BAZ2B: variants seen among roughly 807,000 people sequenced by gnomAD.
The protein encoded by BAZ2B is bromodomain adjacent to zinc finger domain protein 2B.
Under a neutral mutation model 246.0 loss-of-function variants are expected in BAZ2B, and 91 were observed. The observed-to-expected ratio is 0.37, with a 90% CI of 0.31 to 0.44. BAZ2B has a LOEUF of 0.44. BAZ2B is among the 20% of genes least tolerant of loss of function. BAZ2B has a pLI of 1.00. For synonymous variants in BAZ2B, 855 were observed against 860.0 expected (o/e 0.99, Z 0.10); for missense variants, 2,332 against 2,533.7 (o/e 0.92, Z 1.71).
intron 6 of BAZ2B, chr2:159,444,079 G>A (rs1414562038): frequency 6.6e-6 from 1 of 152,126 alleles, no homozygotes; most frequent in African/African-American, 2.4e-5. Context: ...AAAATAATAT[G>A]GGAATCAGAA....
chr2:159,663,978 A>G, the BAZ2B span, among the ~76,000 whole-genome samples: 1 of 84,750 alleles, frequency 1.2e-5, no homozygotes, highest in Admixed American at 1.4e-4. Flanking sequence ...TGCACCCACT[A>G]ACGTGTCATC....
At chr2:159,551,240 T>C (rs529703772) in intron 2 of BAZ2B, among the ~76,000 whole-genome samples, 231 of 152,046 alleles carry the variant, frequency 1.5e-3, no homozygotes, top group Admixed American at 2.3e-3. Context: ...GAGGCCGAGG[T>C]GGGCGGATCA....
chr2:159,568,296 T>C (rs1360801445), intron 1 of BAZ2B, among the ~76,000 whole-genome samples: 1 of 152,102 alleles, frequency 6.6e-6, no homozygotes, highest in Admixed American at 6.6e-5. Context: ...AATTGTCAAA[T>C]AATCAGAAAA....
At chr2:159,543,855 ACT>A (rs2086964818) in intron 2 of BAZ2B, among the ~76,000 whole-genome samples, 1 of 152,082 alleles carries the variant, frequency 6.6e-6, no homozygotes, top group Non-Finnish European at 1.5e-5. Context: ...CATATCAAAC[ACT>A]CAGTCGATGT....
At chr2:159,402,534 T>C (rs1413997868) in intron 16 of BAZ2B, among the ~76,000 whole-genome samples, 6 of 152,186 alleles carry the variant, frequency 3.9e-5, no homozygotes, top group Non-Finnish European at 8.8e-5. Context: ...TTCCAAATCT[T>C]AGAAAAGATT....
At position 159,349,742 on chromosome 2, in the gene BAZ2B, A is replaced by G; in HGVS notation, c.4829T>C (p.Val1610Ala). The change falls in exon 28 of 37, where the codon GTT becomes GCT. Residue 1610 changes from valine (V) to alanine (A), a missense_variant. Val to Ala is a moderately conservative substitution (Grantham distance 64). Coordinates refer to ENST00000392783, the MANE Select transcript of BAZ2B (RefSeq NM_013450.4). ...APLGSSAQNP[V>A]GLNPFALSPL... ...TGATAAAGCAAATGGATTTAAGCCAACAGGATTCTGAGCAGAAGATCCAAG... is the reference window on the plus strand; with the variant it reads ...TGATAAAGCAAATGGATTTAAGCCAGCAGGATTCTGAGCAGAAGATCCAAG... The G allele has an allele frequency of 6.2e-7, 1 of 1,614,040 alleles. No individual in the cohort carries two copies. The highest frequency in any genetic ancestry group is 1.7e-5 in the Admixed American group (1 of 59,994).
intron 1 of BAZ2B, among the ~76,000 whole-genome samples, chr2:159,595,095 T>C (rs571295208): frequency 6.7e-6 from 1 of 148,374 alleles, no homozygotes; most frequent in African/African-American, 2.5e-5. Context: ...CTATGCATCC[T>C]TTTAAACATA....
At chr2:159,706,084 A>AACACACACACACACACAC in the BAZ2B span, among the ~76,000 whole-genome samples, 771 of 149,736 alleles carry the variant, frequency 5.1e-3, 3 homozygotes, top group Middle Eastern at 0.048. Context: ...AAACATATAT[A>AACACACACACACACACAC]ACACACACAC....
chr2:159,503,410 C>T (rs1395256333), intron 2 of BAZ2B, among the ~76,000 whole-genome samples: 1 of 152,154 alleles, frequency 6.6e-6, no homozygotes, highest in African/African-American at 2.4e-5. Context: ...CTGCCTTACT[C>T]CTACATATAC....
chr2:159,507,537 AG>A (rs931357247), intron 2 of BAZ2B, among the ~76,000 whole-genome samples: 2 of 152,200 alleles, frequency 1.3e-5, no homozygotes, highest in Non-Finnish European at 2.9e-5. Flanking sequence ...TAAGGTATTA[AG>A]GGTTTTTGAA....
At chr2:159,517,356 TA>T (rs2151228091) in intron 2 of BAZ2B, among the ~76,000 whole-genome samples, 1 of 152,136 alleles carries the variant, frequency 6.6e-6, no homozygotes, top group South Asian at 2.1e-4. Flanking sequence ...ATTTTTAGTG[TA>T]GTTTGATGAG....
the BAZ2B span, among the ~76,000 whole-genome samples, chr2:159,649,624 T>C: frequency 6.6e-6 from 1 of 152,128 alleles, no homozygotes; most frequent in Admixed American, 6.5e-5. Context: ...TTCCTCAAGC[T>C]GCTTTCAAGA....
At chr2:159,580,594 G>C (rs1162337992) in intron 1 of BAZ2B, among the ~76,000 whole-genome samples, 5 of 152,158 alleles carry the variant, frequency 3.3e-5, no homozygotes, top group South Asian at 2.1e-4. Context: ...CCAAAAAAGA[G>C]CTCGCGTTGC....
At chr2:159,712,208 CTA>C in the BAZ2B span, 3 of 152,208 alleles carry the variant, frequency 2.0e-5, no homozygotes, top group South Asian at 6.2e-4. Context: ...GGCTCAGAGA[CTA>C]TAGACGGGCG....
At chr2:159,608,575 T>G (rs915307391) in intron 1 of BAZ2B, among the ~76,000 whole-genome samples, 4 of 152,198 alleles carry the variant, frequency 2.6e-5, no homozygotes, top group Middle Eastern at 3.2e-3. Context: ...TTCCTTCCTT[T>G]ATTCTGTGAT....
chr2:159,661,778 CT>C, the BAZ2B span, among the ~76,000 whole-genome samples: 60,471 of 148,078 alleles, frequency 0.41, 12,513 homozygotes, highest in African/African-American at 0.5. Context: ...AAACCATCAT[CT>C]TTTTTTTTTT....
intron 13 of BAZ2B, among the ~76,000 whole-genome samples, chr2:159,419,144 T>C (rs542063731): frequency 6.6e-6 from 1 of 152,342 alleles, no homozygotes; most frequent in East Asian, 1.9e-4. Flanking sequence ...AATTTGTTTA[T>C]ATGAAACTTT....
intron 1 of BAZ2B, among the ~76,000 whole-genome samples, chr2:159,593,297 G>A (rs1196294251): frequency 6.6e-6 from 1 of 152,082 alleles, no homozygotes; most frequent in Non-Finnish European, 1.5e-5. Context: ...AATCTGGAAT[G>A]TACTTCTATG....
intron 2 of BAZ2B, among the ~76,000 whole-genome samples, chr2:159,543,737 T>C (rs2086944227): frequency 6.6e-6 from 1 of 152,232 alleles, no homozygotes; most frequent in African/African-American, 2.4e-5. Flanking sequence ...GGTTTTGCCA[T>C]GTTGGCCAGG....
Sources: allele counts gnomAD v4.1 joint callset (sites outside exome capture counted in the v4.1 genomes callset), GRCh38; gene constraint gnomAD v4.1.1; transcripts MANE v1.5; gene names NCBI Gene and HGNC (gene_info 2026-07-23, HGNC 2026-07-21).